PRKACB: variants seen among roughly 807,000 people sequenced by gnomAD.
The protein encoded by PRKACB is cAMP-dependent protein kinase catalytic subunit beta.
A neutral mutation model predicts 51.4 loss-of-function variants in PRKACB; 16 were observed. The observed-to-expected ratio is 0.31, with a 90% CI of 0.21 to 0.47. The LOEUF is 0.47. Ranked by LOEUF, PRKACB falls within the 20% of genes least tolerant of loss-of-function variation. PRKACB has a pLI of 1.00. For synonymous variants in PRKACB, 147 were observed against 154.4 expected, an observed-to-expected ratio of 0.95 and a Z score of 0.35; for missense variants, 309 against 464.5, an observed-to-expected ratio of 0.67 and a Z score of 3.08.
In PRKACB at chr1:84,152,343, T is replaced by C. The variant is rs866646609; in HGVS notation, c.187+7795T>C. Among the ~76,000 whole-genome samples the C allele has an allele frequency of 1.9e-4, 29 of 152,172 alleles. 1 individual carries two copies. The highest frequency in any genetic ancestry group is 3.1e-4 in the Non-Finnish European group (21 of 68,022). ...AGAGTTTCTAAATGGTAAATGAATA[T>C]TGGCTTCAATTTGAAGTCACCAGAT... On this transcript the variant is annotated intron_variant, in intron 1 of 9. Coordinates refer to ENST00000370685, the MANE Select transcript of PRKACB (RefSeq NM_182948.4).
chr1:84,095,854 T>C (rs1234315626), intron 1 of PRKACB, among the ~76,000 whole-genome samples: 1 of 152,024 alleles, frequency 6.6e-6, no homozygotes, highest in East Asian at 1.9e-4. Flanking sequence ...ACTTGTAAAT[T>C]TTTCTACTCA....
At chr1:84,183,522 G>A (rs1334151145) in intron 3 of PRKACB, among the ~76,000 whole-genome samples, 2 of 151,406 alleles carry the variant, frequency 1.3e-5, no homozygotes, top group East Asian at 3.9e-4. Context: ...CTATTTTTCA[G>A]TTATGGACTT....
intron 1 of PRKACB, among the ~76,000 whole-genome samples, chr1:84,147,355 A>G (rs1571811556): frequency 6.6e-6 from 1 of 152,128 alleles, no homozygotes; most frequent in East Asian, 1.9e-4. Flanking sequence ...TCTCTCAGAC[A>G]GTTTACCTCC....
intron 1 of PRKACB, among the ~76,000 whole-genome samples, chr1:84,081,742 T>A (rs1013956128): frequency 3.9e-5 from 6 of 152,166 alleles, no homozygotes; most frequent in African/African-American, 1.4e-4. Context: ...AAAAATACTA[T>A]ACCTCCAGGT....
chr1:84,221,441 A>T (rs12027198), intron 9 of PRKACB, among the ~76,000 whole-genome samples: 1 of 149,406 alleles, frequency 6.7e-6, no homozygotes. Context: ...TATTTCATTT[A>T]GTTGTGCTCT....
At chr1:84,181,835 C>T in intron 2 of PRKACB, 2 of 729,224 alleles carry the variant, frequency 2.7e-6, no homozygotes, top group Non-Finnish European at 4.0e-6. Context: ...CAGTATGCCT[C>T]TGGTCAGTTT....
At position 84,148,279 on chromosome 1, in the gene PRKACB, A is replaced by G. The variant is rs1180236087; in HGVS notation, c.187+3731A>G. On this transcript the variant is annotated intron_variant, in intron 1 of 9. Transcript: ENST00000370685. Reference sequence around the variant, plus strand: ...AACCACCAATGTATCCTATTCATCTATCCTTCATCCTTCTTAGAGTCTGTG... The same window carrying G: ...AACCACCAATGTATCCTATTCATCTGTCCTTCATCCTTCTTAGAGTCTGTG... Among the ~76,000 whole-genome samples, 3 of 152,156 alleles carry G rather than the reference A, an allele frequency of 2.0e-5. No homozygotes were observed. In the East Asian group the frequency reaches 5.8e-4, roughly 29 times the overall value.
chr1:84,137,870 C>T (rs1652983805), intron 1 of PRKACB, among the ~76,000 whole-genome samples: 1 of 152,098 alleles, frequency 6.6e-6, no homozygotes, highest in African/African-American at 2.4e-5. Context: ...GGGGAGGCAG[C>T]TAGAAGAAAT....
intron 1 of PRKACB, among the ~76,000 whole-genome samples, chr1:84,134,812 T>G (rs1347720406): frequency 3.3e-5 from 5 of 152,142 alleles, no homozygotes; most frequent in Non-Finnish European, 7.3e-5. Flanking sequence ...CGAAACTTAG[T>G]TTAGAAAAGC....
At chr1:84,179,934 A>G (rs1459708908) in intron 2 of PRKACB, among the ~76,000 whole-genome samples, 2 of 148,672 alleles carry the variant, frequency 1.3e-5, no homozygotes, top group Admixed American at 6.8e-5. Flanking sequence ...TCCTAATGCT[A>G]TCCCTCCCCT....
chr1:84,233,170 T>C (rs1676032714), intron 9 of PRKACB, among the ~76,000 whole-genome samples: 1 of 152,116 alleles, frequency 6.6e-6, no homozygotes, highest in African/African-American at 2.4e-5. Context: ...CCTTCACTTA[T>C]GAAGCTTAGT....
chr1:84,193,510 G>C (rs1572282318), intron 5 of PRKACB, among the ~76,000 whole-genome samples: 1 of 152,206 alleles, frequency 6.6e-6, no homozygotes, highest in African/African-American at 2.4e-5. Flanking sequence ...AAAGAAGGTT[G>C]AAAGTTTTAT....
At chr1:84,219,698 G>A (rs979626180) in intron 9 of PRKACB, among the ~76,000 whole-genome samples, 2 of 151,150 alleles carry the variant, frequency 1.3e-5, no homozygotes, top group Admixed American at 1.3e-4. Flanking sequence ...ACCATGTATT[G>A]AAGAGAGTGT....
intron 9 of PRKACB, among the ~76,000 whole-genome samples, chr1:84,231,182 T>C (rs1675585627): frequency 1.3e-5 from 2 of 152,206 alleles, no homozygotes; most frequent in Admixed American, 6.5e-5. Flanking sequence ...GAGATAATCA[T>C]GTGGTTTTTT....
Position 84,179,238 on chromosome 1 carries a change from G to T in PRKACB, c.249G>T (p.Gln83His). 1 of 1,565,830 alleles carries T rather than the reference G, an allele frequency of 6.4e-7. No individual in the cohort carries two copies. ...TGAAAAAATGGGAGAATCCAACTCA[G>T]GTAAGGAATATTTAGATTTTTCTAA... is the stretch of plus-strand genomic sequence containing the variant. ...DFLKKWENPTQNNAGLEDFER... is the reference protein window; with the variant it reads ...DFLKKWENPTHNNAGLEDFER... The change falls in exon 2 of 10, where the codon CAG (glutamine) becomes CAT (histidine). Residue 83 changes from glutamine (Q) to histidine (H), a missense_variant and splice_region_variant. By Grantham distance (24) the Gln-to-His change is conservative. Coordinates refer to ENST00000370685, the MANE Select transcript of PRKACB (RefSeq NM_182948.4).
intron 1 of PRKACB, among the ~76,000 whole-genome samples, chr1:84,160,667 G>A (rs1656069720): frequency 6.7e-6 from 1 of 149,648 alleles, no homozygotes; most frequent in South Asian, 2.1e-4. Flanking sequence ...TTCTAAACCT[G>A]CTTTATCTAC....
chr1:84,144,179 T>G (rs1653719120), upstream of PRKACB: 1 of 1,212,390 alleles, frequency 8.2e-7, no homozygotes, highest in East Asian at 3.1e-5. Context: ...AAAAGTGTTT[T>G]GCTAAGAAAA....
At chr1:84,104,254 T>C (rs191721623) in intron 1 of PRKACB, among the ~76,000 whole-genome samples, 1 of 152,182 alleles carries the variant, frequency 6.6e-6, no homozygotes, top group Non-Finnish European at 1.5e-5. Flanking sequence ...CCTGACTGAT[T>C]TCACTTAACA....
Position 84,237,444 on chromosome 1 carries a change from A to T in PRKACB, c.*2139A>T, listed in dbSNP as rs1357021063. ...TGAATTCTAAAAAATATTTTTTTCT[A>T]TGAAATTACTAGTGCCCAGCTGTAG... On this transcript the variant is annotated 3_prime_UTR_variant, in exon 10 of 10. Transcript: ENST00000370685. 6.6e-6 allele frequency: 1 copy of T among 152,568 alleles called. No homozygotes were observed. Among genetic ancestry groups the T allele is most frequent in the Non-Finnish European group, 1.5e-5 (1 of 67,980 alleles). 9.5% of individuals were successfully genotyped at this position (152,568 alleles called of 1,614,324 possible).
Sources: gnomAD v4.1 joint callset for allele counts (sites outside exome capture counted in the v4.1 genomes callset) on GRCh38, gnomAD v4.1.1 for gene constraint, MANE v1.5 for transcripts, NCBI Gene and HGNC (gene_info 2026-07-23, HGNC 2026-07-21) for gene names.